Variants in LRRC4C observed in about 807,000 individuals in gnomAD.
LRRC4C encodes leucine-rich repeat-containing protein 4C.
LRRC4C carries 5 observed loss-of-function variants against 33.6 expected under a neutral mutation model. The ratio of observed to expected loss-of-function variants is 0.15; its 90% CI spans 0.08 to 0.31. LRRC4C has a LOEUF of 0.31. Ranked by LOEUF, LRRC4C falls within the 10% of genes least tolerant of loss-of-function variation. LRRC4C has a pLI of 1.00. For synonymous variants in LRRC4C, 329 were observed against 302.0 expected, an observed-to-expected ratio of 1.09 and a Z score of -0.93; for missense variants, 560 against 796.7, an observed-to-expected ratio of 0.70 and a Z score of 3.58.
intron 1 of LRRC4C, among the ~76,000 whole-genome samples, chr11:41,261,981 G>A (rs1241159748): frequency 3.9e-5 from 6 of 152,024 alleles, no homozygotes; most frequent in Admixed American, 3.3e-4. Flanking sequence ...CATTCTCTGT[G>A]GGGAGAAGTC....
chr11:41,386,569 T>C (rs1953368170), intron 1 of LRRC4C, among the ~76,000 whole-genome samples: 4 of 151,800 alleles, frequency 2.6e-5, no homozygotes, highest in Admixed American at 2.6e-4. Flanking sequence ...TGTTCACAGA[T>C]GTACCTTTGT....
rs142787821 is a variant in LRRC4C at position 41,409,595 on chromosome 11, G to T, written c.-496+49836C>A. ...TTCCCAAGGTTAAAAAGTGGCAACA[G>T]GTCTATCTAATTTCAGGGTCTACAT... On this transcript the variant is annotated intron_variant, in intron 1 of 6. Coordinates refer to ENST00000528697, the MANE Select transcript of LRRC4C (RefSeq NM_001258419.2). Among the ~76,000 whole-genome samples the T allele has an allele frequency of 3.6e-3, 550 of 152,282 alleles. 6 individuals are homozygous for T. Among genetic ancestry groups the T allele is most frequent in the African/African-American group, 0.013 (531 of 41,560 alleles).
chr11:40,399,304 C>T (rs1949667363), intron 3 of LRRC4C, among the ~76,000 whole-genome samples: 1 of 152,050 alleles, frequency 6.6e-6, no homozygotes, highest in Admixed American at 6.6e-5. Context: ...CAATGATAGA[C>T]TGGATTAAGA....
At chr11:41,224,803 G>A (rs17419009) in intron 1 of LRRC4C, among the ~76,000 whole-genome samples, 1,629 of 152,270 alleles carry the variant, frequency 0.011, 14 homozygotes, top group Non-Finnish European at 0.018. Context: ...TGGTGTACAT[G>A]ATGTGAAGAG....
At chr11:40,755,125 AT>A (rs1411714570) in intron 2 of LRRC4C, among the ~76,000 whole-genome samples, 7 of 152,244 alleles carry the variant, frequency 4.6e-5, no homozygotes, top group Admixed American at 4.6e-4. Flanking sequence ...GTTCACAGTC[AT>A]TGCACATTTT....
At chr11:40,876,603 T>C (rs1342400706) in intron 2 of LRRC4C, among the ~76,000 whole-genome samples, 2 of 151,998 alleles carry the variant, frequency 1.3e-5, no homozygotes, top group Non-Finnish European at 2.9e-5. Flanking sequence ...GTGGTGACTG[T>C]TTTTCTAAAA....
intron 1 of LRRC4C, among the ~76,000 whole-genome samples, chr11:41,165,646 C>T (rs977920712): frequency 6.6e-6 from 1 of 152,068 alleles, no homozygotes; most frequent in Non-Finnish European, 1.5e-5. Context: ...TCTACAGAAG[C>T]TAAATTATGC....
At chr11:40,603,545 C>A (rs1048650292) in intron 3 of LRRC4C, among the ~76,000 whole-genome samples, 8 of 152,152 alleles carry the variant, frequency 5.3e-5, no homozygotes. Flanking sequence ...CAGATGGTGG[C>A]TAAATGTCAA....
At chr11:40,482,018 T>A (rs1953595944) in intron 3 of LRRC4C, among the ~76,000 whole-genome samples, 1 of 152,180 alleles carries the variant, frequency 6.6e-6, no homozygotes, top group Non-Finnish European at 1.5e-5. Context: ...TTCAAACAAA[T>A]CAATGATTAA....
chr11:40,365,401 G>C (rs1948162543), intron 3 of LRRC4C, among the ~76,000 whole-genome samples: 1 of 151,998 alleles, frequency 6.6e-6, no homozygotes, highest in Non-Finnish European at 1.5e-5. Flanking sequence ...TAGAGAAGTT[G>C]CTTCTTCATT....
chr11:41,129,545 T>C (rs1021385808), intron 1 of LRRC4C, among the ~76,000 whole-genome samples: 1 of 151,956 alleles, frequency 6.6e-6, no homozygotes, highest in South Asian at 2.1e-4. Context: ...TAATAGAATG[T>C]TTTTTTCAAG....
intron 2 of LRRC4C, among the ~76,000 whole-genome samples, chr11:40,766,657 C>A (rs542429823): frequency 2.4e-4 from 37 of 152,122 alleles, no homozygotes; most frequent in African/African-American, 8.9e-4. Context: ...CTCTTTGACA[C>A]ATGTATTATT....
intron 1 of LRRC4C, among the ~76,000 whole-genome samples, chr11:41,120,514 G>A (rs541569447): frequency 6.6e-6 from 1 of 152,186 alleles, no homozygotes; most frequent in East Asian, 1.9e-4. Context: ...TGGAGGTTGG[G>A]GAGAAAGTGA....
At chr11:40,621,328 T>C (rs1226716856) in intron 3 of LRRC4C, among the ~76,000 whole-genome samples, 1 of 151,648 alleles carries the variant, frequency 6.6e-6, no homozygotes, top group African/African-American at 2.4e-5. Flanking sequence ...TCTACATCTC[T>C]AAGCTTAACT....
intron 4 of LRRC4C, among the ~76,000 whole-genome samples, chr11:40,267,484 T>C (rs2136309826): frequency 6.6e-6 from 1 of 152,288 alleles, no homozygotes; most frequent in South Asian, 2.1e-4. Context: ...GCTGAGTAGC[T>C]GGGACTACAG....
At chr11:40,693,689 A>G (rs532742118) in intron 2 of LRRC4C, among the ~76,000 whole-genome samples, 6 of 152,238 alleles carry the variant, frequency 3.9e-5, no homozygotes, top group Admixed American at 3.9e-4. Context: ...TTTGAGCCAC[A>G]TAGCAAGAGG....
rs1850996716 is a variant in LRRC4C at position 40,961,820 on chromosome 11, C to A, written c.-495-28097G>T. Reference sequence around the variant, plus strand: ...TGTCTATTTTATTCATTTAATTTATCCATCCATTCATTTTAAAAAAACCTT... The same window carrying A: ...TGTCTATTTTATTCATTTAATTTATACATCCATTCATTTTAAAAAAACCTT... On this transcript the variant is annotated intron_variant, in intron 1 of 6. Coordinates refer to ENST00000528697, the MANE Select transcript of LRRC4C (RefSeq NM_001258419.2). Among the ~76,000 whole-genome samples the A allele has an allele frequency of 5.3e-5, 8 of 151,764 alleles. No individual in the cohort carries two copies. The South Asian group carries it at 1.7e-3, about 31-fold the overall frequency.
chr11:40,803,477 T>C (rs2135306694), intron 2 of LRRC4C, among the ~76,000 whole-genome samples: 1 of 152,270 alleles, frequency 6.6e-6, no homozygotes, highest in South Asian at 2.1e-4. Flanking sequence ...GTCCCAGAAA[T>C]TGGTTCAATA....
chr11:40,372,622 C>T (rs960858900), intron 3 of LRRC4C, among the ~76,000 whole-genome samples: 2 of 152,158 alleles, frequency 1.3e-5, no homozygotes, highest in Non-Finnish European at 2.9e-5. Flanking sequence ...GAGGGGGAGA[C>T]TCATTCAGCT....
Sources: allele counts gnomAD v4.1 joint callset (sites outside exome capture counted in the v4.1 genomes callset), GRCh38; gene constraint gnomAD v4.1.1; transcripts MANE v1.5; gene names NCBI Gene and HGNC (gene_info 2026-07-23, HGNC 2026-07-21).